The following GMDS variants were observed in gnomAD, a reference collection of about 807,000 sequenced individuals.
GMDS encodes the protein GDP-mannose 4,6 dehydratase.
In GMDS, 20 loss-of-function variants were observed where a neutral mutation model predicts 49.9. The observed-to-expected ratio is 0.40, with a 90% CI of 0.28 to 0.58. GMDS has a LOEUF of 0.58. Among genes scored for constraint, GMDS ranks in the 20% least tolerant of loss-of-function variants. The probability of loss-of-function intolerance (pLI) is 0.42; values close to 1 mark genes in which losing one functional copy is unlikely to be tolerated. For missense variants in GMDS, 362 were observed against 481.4 expected (o/e 0.75, Z 2.32); for synonymous variants, 177 against 178.6 (o/e 0.99, Z 0.07).
chr6:1,698,500 C>A (rs1175692950), intron 9 of GMDS, among the ~76,000 whole-genome samples: 1 of 152,218 alleles, frequency 6.6e-6, no homozygotes, highest in Non-Finnish European at 1.5e-5. Flanking sequence ...GTGGTGGCTT[C>A]TTTCATCTCT....
chr6:1,751,286 T>C (rs930292471), intron 7 of GMDS, among the ~76,000 whole-genome samples: 2 of 152,070 alleles, frequency 1.3e-5, no homozygotes, highest in African/African-American at 2.4e-5. Flanking sequence ...GGGAGATACC[T>C]CCTAGCAGGG....
At chr6:1,979,038 A>C (rs552495116) in intron 4 of GMDS, among the ~76,000 whole-genome samples, 1 of 152,328 alleles carries the variant, frequency 6.6e-6, no homozygotes, top group East Asian at 1.9e-4. Context: ...AAACCACAAG[A>C]ACTCCATCCA....
chr6:2,234,744 C>A (rs926225017), intron 1 of GMDS, among the ~76,000 whole-genome samples: 5 of 152,154 alleles, frequency 3.3e-5, no homozygotes, highest in African/African-American at 1.2e-4. Context: ...TAGGAGTAAT[C>A]TCTAAATGAA....
intron 7 of GMDS, among the ~76,000 whole-genome samples, chr6:1,847,948 G>T (rs1375314479): frequency 6.6e-6 from 1 of 152,108 alleles, no homozygotes; most frequent in Non-Finnish European, 1.5e-5. Flanking sequence ...TGAAAGAGAA[G>T]TATAAGACAC....
chr6:2,015,548 G>A (rs1460625047), intron 4 of GMDS, among the ~76,000 whole-genome samples: 2 of 152,110 alleles, frequency 1.3e-5, no homozygotes, highest in African/African-American at 4.8e-5. Flanking sequence ...TGCAACATTA[G>A]GAAAGAGGAA....
chr6:1,766,475 G>A lies in GMDS; in HGVS notation c.772-23889C>T, dbSNP rs1391663825. Among the ~76,000 whole-genome samples, 1 of 152,152 alleles carries A rather than the reference G, an allele frequency of 6.6e-6. No individual in the cohort carries two copies. Among genetic ancestry groups the A allele is most frequent in the Non-Finnish European group, 1.5e-5 (1 of 68,008 alleles). ...TCCTAATGGGAACCAATGAAGAAAT[G>A]AGTATCATATTTATATATCTGCTAT... On this transcript the variant is annotated intron_variant, in intron 7 of 10. Transcript: ENST00000380815. The surrounding 1 kb of genome is among the most constrained non-coding windows in gnomAD (Gnocchi z 4.5).
chr6:1,682,354 C>T (rs6930694), intron 9 of GMDS, among the ~76,000 whole-genome samples: 34,618 of 152,166 alleles, frequency 0.23, 4,177 homozygotes, highest in East Asian at 0.49. Context: ...CTGCCAACCC[C>T]CGCCTCCTCA....
At chr6:2,076,169 T>C (rs1036372853) in intron 4 of GMDS, among the ~76,000 whole-genome samples, 17 of 152,206 alleles carry the variant, frequency 1.1e-4, no homozygotes, top group Admixed American at 1.3e-4. Flanking sequence ...GTCAGATGCG[T>C]AGATTGCAAA....
At chr6:1,743,505 T>A (rs956352812) in intron 7 of GMDS, among the ~76,000 whole-genome samples, 2 of 132,504 alleles carry the variant, frequency 1.5e-5, no homozygotes, top group African/African-American at 5.6e-5. Context: ...ATCGCGCCAC[T>A]GCACTCCAGC....
At chr6:1,919,725 TG>T (rs1761620730) in intron 7 of GMDS, among the ~76,000 whole-genome samples, 1 of 152,194 alleles carries the variant, frequency 6.6e-6, no homozygotes, top group South Asian at 2.1e-4. Flanking sequence ...TAGAAGCACA[TG>T]GAACCAAGTC....
At chr6:2,234,964 A>G (rs1001188264) in intron 1 of GMDS, among the ~76,000 whole-genome samples, 11 of 152,254 alleles carry the variant, frequency 7.2e-5, no homozygotes, top group African/African-American at 2.6e-4. Flanking sequence ...CGTCTCTACT[A>G]AAAATAGAAA....
rs145779059 is a variant in GMDS at position 1,858,211 on chromosome 6, T to C, written c.771+71892A>G. Among the ~76,000 whole-genome samples the C allele has an allele frequency of 4.6e-3, 704 of 152,198 alleles. 4 individuals are homozygous for C. The highest frequency in any genetic ancestry group is 0.016 in the African/African-American group (665 of 41,524). ...GCTATAATGTAAAACCTAAAAATAA[T>C]AATAAAACCTAGAGAAAAGTGCTTA... On this transcript the variant is annotated intron_variant, in intron 7 of 10. Transcript: ENST00000380815.
intron 4 of GMDS, among the ~76,000 whole-genome samples, chr6:2,055,685 C>A (rs1310293176): frequency 2.6e-5 from 4 of 152,080 alleles, no homozygotes; most frequent in African/African-American, 7.2e-5. Context: ...CTAAAAAGGA[C>A]TAACTAACTC....
At chr6:1,818,979 C>T (rs1008325878) in intron 7 of GMDS, among the ~76,000 whole-genome samples, 3 of 151,980 alleles carry the variant, frequency 2.0e-5, no homozygotes, top group East Asian at 1.9e-4. Flanking sequence ...TAAGGAAAGC[C>T]GCATGACTAG....
At chr6:1,724,358 G>A (rs560179164) in intron 9 of GMDS, among the ~76,000 whole-genome samples, 8 of 152,278 alleles carry the variant, frequency 5.3e-5, no homozygotes, top group Middle Eastern at 3.4e-3. Flanking sequence ...CGTCGGTCAC[G>A]GCAGGAAAGG....
At chr6:2,157,086 AAAAC>A (rs1777148240) in intron 1 of GMDS, among the ~76,000 whole-genome samples, 1 of 152,228 alleles carries the variant, frequency 6.6e-6, no homozygotes, top group Non-Finnish European at 1.5e-5. Context: ...AGACTCACTA[AAAAC>A]TCCATTTATA....
intron 9 of GMDS, among the ~76,000 whole-genome samples, chr6:1,636,454 CAA>C (rs1365337293): frequency 6.6e-6 from 1 of 152,204 alleles, no homozygotes; most frequent in Non-Finnish European, 1.5e-5. Flanking sequence ...GGACTCAATT[CAA>C]AGTTACTTTC....
chr6:1,742,791 C>G (rs938731279), intron 7 of GMDS, among the ~76,000 whole-genome samples: 3 of 152,182 alleles, frequency 2.0e-5, no homozygotes, highest in African/African-American at 7.2e-5. Flanking sequence ...GATGCCAGGG[C>G]TGCAGCCGTA....
intron 7 of GMDS, among the ~76,000 whole-genome samples, chr6:1,832,709 C>T (rs1207808607): frequency 2.6e-5 from 4 of 152,210 alleles, no homozygotes; most frequent in African/African-American, 9.7e-5. Flanking sequence ...GACTGCAAAG[C>T]TCTTTTCAGT....
Sources: gnomAD v4.1 joint callset for allele counts (sites outside exome capture counted in the v4.1 genomes callset) on GRCh38, gnomAD v4.1.1 for gene constraint, Gnocchi (gnomAD v3.1) non-coding constraint, MANE v1.5 for transcripts, NCBI Gene and HGNC (gene_info 2026-07-23, HGNC 2026-07-21) for gene names.